The following CABCOCO1 variants were observed in gnomAD, a reference collection of about 807,000 sequenced individuals.
CABCOCO1 encodes the protein ciliary-associated calcium-binding coiled-coil protein 1.
A neutral mutation model predicts 35.7 loss-of-function variants in CABCOCO1; 28 were observed. The ratio of observed to expected loss-of-function variants is 0.78; its 90% confidence interval spans 0.58 to 1.07. The LOEUF is 1.07. Ranked by LOEUF, CABCOCO1 falls within the 50% of genes least tolerant of loss-of-function variation. CABCOCO1 has a pLI of 0.00. For missense variants in CABCOCO1, 326 were observed against 309.2 expected (o/e 1.05, Z -0.41); for synonymous variants, 95 against 100.1 (o/e 0.95, Z 0.30).
At chr10:61,732,072 C>A (rs1178860246) in intron 5 of CABCOCO1, among the ~76,000 whole-genome samples, 1 of 151,912 alleles carries the variant, frequency 6.6e-6, no homozygotes, top group Non-Finnish European at 1.5e-5. Flanking sequence ...ATAAAATTTG[C>A]CAGTTTTATA....
intron 5 of CABCOCO1, among the ~76,000 whole-genome samples, chr10:61,746,736 G>C (rs1283674843): frequency 6.6e-6 from 1 of 152,086 alleles, no homozygotes; most frequent in Non-Finnish European, 1.5e-5. Flanking sequence ...ACTGTCACTA[G>C]AGCCTATTTA....
intron 1 of CABCOCO1, among the ~76,000 whole-genome samples, chr10:61,672,218 C>A (rs1839381494): frequency 6.6e-6 from 1 of 152,140 alleles, no homozygotes; most frequent in Non-Finnish European, 1.5e-5. Context: ...AGACTGAATG[C>A]CGCATGTATT....
intron 4 of CABCOCO1, among the ~76,000 whole-genome samples, chr10:61,686,723 C>G (rs1428159487): frequency 6.6e-6 from 1 of 152,094 alleles, no homozygotes; most frequent in African/African-American, 2.4e-5. Context: ...GTAGTATTGA[C>G]CAATTAAACT....
chr10:61,683,958 A>G (rs1048436088), intron 3 of CABCOCO1, among the ~76,000 whole-genome samples: 5 of 152,172 alleles, frequency 3.3e-5, no homozygotes, highest in Non-Finnish European at 4.4e-5. Flanking sequence ...ATTATAATCA[A>G]TTATCTAAGA....
chr10:61,713,905 G>A (rs374007676), intron 5 of CABCOCO1, among the ~76,000 whole-genome samples: 77 of 151,396 alleles, frequency 5.1e-4, no homozygotes, highest in Admixed American at 2.4e-3. Flanking sequence ...TGCTGGATTC[G>A]GTTTGCCAGT....
intron 5 of CABCOCO1, among the ~76,000 whole-genome samples, chr10:61,710,792 G>A (rs1259030612): frequency 6.6e-6 from 1 of 151,834 alleles, no homozygotes; most frequent in Non-Finnish European, 1.5e-5. Context: ...CTCTGAATAT[G>A]AGCATGTCAA....
chr10:61,726,075 C>T (rs1246779551), intron 5 of CABCOCO1, among the ~76,000 whole-genome samples: 1 of 152,012 alleles, frequency 6.6e-6, no homozygotes, highest in Non-Finnish European at 1.5e-5. Context: ...CACTACAGTG[C>T]GATTTTTTAA....
chr10:61,751,366 A>G (rs375287808), intron 5 of CABCOCO1, among the ~76,000 whole-genome samples: 1 of 152,200 alleles, frequency 6.6e-6, no homozygotes, highest in East Asian at 1.9e-4. Flanking sequence ...TTCAAAAAAT[A>G]GAAGGGCACA....
At chr10:61,762,089 C>T (rs907532692) in intron 7 of CABCOCO1, among the ~76,000 whole-genome samples, 2 of 152,076 alleles carry the variant, frequency 1.3e-5, no homozygotes, top group African/African-American at 4.8e-5. Flanking sequence ...GAGTTCAGAA[C>T]ATATCTCCTT....
chr10:61,676,783 C>T (rs961367907), intron 2 of CABCOCO1, among the ~76,000 whole-genome samples: 1 of 152,050 alleles, frequency 6.6e-6, no homozygotes, highest in Admixed American at 6.6e-5. Context: ...AATTTTCAGC[C>T]GGGCGTGGTG....
chr10:61,748,054 G>A (rs1291991387), intron 5 of CABCOCO1, among the ~76,000 whole-genome samples: 1 of 152,010 alleles, frequency 6.6e-6, no homozygotes, highest in Non-Finnish European at 1.5e-5. Context: ...AAGACCATTA[G>A]CATAGGATGA....
chr10:61,722,795 G>A (rs1016505227), intron 5 of CABCOCO1, among the ~76,000 whole-genome samples: 3 of 151,924 alleles, frequency 2.0e-5, no homozygotes, highest in South Asian at 4.1e-4. Context: ...ATAGATCACC[G>A]CAGAGAAATG....
chr10:61,704,188 C>A (rs1840539824), intron 5 of CABCOCO1, among the ~76,000 whole-genome samples: 2 of 152,132 alleles, frequency 1.3e-5, no homozygotes, highest in South Asian at 4.2e-4. Flanking sequence ...AGTGCCACTG[C>A]CTTCCAGCCT....
intron 1 of CABCOCO1, among the ~76,000 whole-genome samples, chr10:61,670,575 T>C (rs994719886): frequency 6.6e-6 from 1 of 152,176 alleles, no homozygotes; most frequent in African/African-American, 2.4e-5. Flanking sequence ...TTTCCACTTT[T>C]GAAAAAGAAA....
chr10:61,731,223 C>T lies in CABCOCO1; in HGVS notation c.553-28836C>T, dbSNP rs533120519. ...TATTTTCAATAGTTATATGGGAGCACTATGTATTATTTCTCTAACTATATG... is the reference window on the plus strand; with the variant it reads ...TATTTTCAATAGTTATATGGGAGCATTATGTATTATTTCTCTAACTATATG... On this transcript the variant is annotated intron_variant, in intron 5 of 7. Transcript: ENST00000648843. Among the ~76,000 whole-genome samples the T allele has an allele frequency of 2.0e-5, 3 of 151,822 alleles. No homozygotes were observed. In the East Asian group the frequency reaches 5.8e-4, roughly 29 times the overall value.
At chr10:61,758,026 G>T (rs1211912088) in intron 5 of CABCOCO1, among the ~76,000 whole-genome samples, 1 of 152,018 alleles carries the variant, frequency 6.6e-6, no homozygotes, top group Non-Finnish European at 1.5e-5. Flanking sequence ...TATGGTGACA[G>T]TAGACCAGAA....
chr10:61,689,301 A>G (rs1350302941), intron 4 of CABCOCO1, among the ~76,000 whole-genome samples: 1 of 152,188 alleles, frequency 6.6e-6, no homozygotes, highest in Non-Finnish European at 1.5e-5. Context: ...ATTTTGCATC[A>G]TTGAATTATC....
chr10:61,704,723 C>T (rs543469668), intron 5 of CABCOCO1, among the ~76,000 whole-genome samples: 16 of 152,146 alleles, frequency 1.1e-4, no homozygotes, highest in African/African-American at 3.6e-4. Context: ...CAATAGATAA[C>T]TAATACATTT....
chr10:61,731,833 T>C (rs1220491640), intron 5 of CABCOCO1, among the ~76,000 whole-genome samples: 1 of 151,802 alleles, frequency 6.6e-6, no homozygotes, highest in Non-Finnish European at 1.5e-5. Flanking sequence ...GATCTTTTAG[T>C]ACCTCAAAGT....
Sources: allele counts gnomAD v4.1 joint callset (sites outside exome capture counted in the v4.1 genomes callset), GRCh38; gene constraint gnomAD v4.1.1; transcripts MANE v1.5; gene names NCBI Gene and HGNC (gene_info 2026-07-23, HGNC 2026-07-21).